DSCAM: variants seen among roughly 807,000 people sequenced by gnomAD.
DSCAM encodes the protein cell adhesion molecule DSCAM.
In DSCAM, 47 loss-of-function variants were observed where a neutral mutation model predicts 217.7. That is an observed-to-expected ratio of 0.22 (90% confidence interval 0.17 to 0.28). The LOEUF (loss-of-function observed/expected upper bound fraction) is 0.28. DSCAM is among the 10% of genes least tolerant of loss of function. The pLI, the probability that DSCAM is intolerant of heterozygous loss-of-function variation, is 1.00. For synonymous variants in DSCAM, 1,056 were observed against 1,015.3 expected (o/e 1.04, Z -0.76); for missense variants, 2,080 against 2,618.3 (o/e 0.79, Z 4.49).
At chr21:40,526,720 G>A (rs1041814164) in intron 3 of DSCAM, among the ~76,000 whole-genome samples, 3 of 152,006 alleles carry the variant, frequency 2.0e-5, no homozygotes, top group African/African-American at 7.3e-5. Context: ...TAGCTTGATT[G>A]TGGCACTCAG....
At position 40,011,623 on chromosome 21, in the gene DSCAM, C is replaced by A. The variant is rs2088057271; in HGVS notation, c.*1411G>T. 1 of 152,136 alleles carries A rather than the reference C, an allele frequency of 6.6e-6. No individual in the cohort carries two copies. Among genetic ancestry groups the A allele is most frequent in the African/African-American group, 2.4e-5 (1 of 41,428 alleles). 9.4% of individuals were successfully genotyped at this position (152,136 alleles called of 1,614,324 possible). A position where few individuals can be genotyped will look rare whatever the true frequency, so the allele number is the denominator to read the frequency against. ...ATTACATCCTCTTTCATAAAGCAAA[C>A]CCTGTGAGGGTTGTGGGATAAAGAA... On this transcript the variant is annotated 3_prime_UTR_variant, in exon 33 of 33. Transcript: ENST00000400454.
At chr21:40,638,542 A>T (rs1317107425) in intron 3 of DSCAM, among the ~76,000 whole-genome samples, 1 of 152,184 alleles carries the variant, frequency 6.6e-6, no homozygotes, top group African/African-American at 2.4e-5. Context: ...TATAAGATAG[A>T]CAGTCACAAT....
chr21:40,709,004 T>C lies in DSCAM; in HGVS notation c.44-233A>G, dbSNP rs140210233. 4.9e-3 allele frequency among the ~76,000 whole-genome samples: 740 copies of C among 152,356 alleles called. 4 individuals carry two copies. The highest frequency in any genetic ancestry group is 0.017 in the African/African-American group (719 of 41,590). ...ACACAAACTGTTAAGTTATCCTGGA[T>C]GTTAATTTTTAATAGATTGTTTTTT... is the stretch of plus-strand genomic sequence containing the variant. On this transcript the variant is annotated intron_variant, in intron 1 of 32. Coordinates refer to ENST00000400454, the MANE Select transcript of DSCAM (RefSeq NM_001389.5).
At chr21:40,694,855 T>C (rs1411968829) in intron 2 of DSCAM, among the ~76,000 whole-genome samples, 1 of 151,482 alleles carries the variant, frequency 6.6e-6, no homozygotes, top group Admixed American at 6.6e-5. Flanking sequence ...GGTAATAGAT[T>C]AGAAAAAGAC....
intron 3 of DSCAM, chr21:40,629,789 C>T (rs946339151): frequency 1.3e-5 from 2 of 152,058 alleles, no homozygotes; most frequent in East Asian, 3.9e-4. Context: ...GAGTATAAAA[C>T]TTCCATGAGA....
intron 11 of DSCAM, among the ~76,000 whole-genome samples, chr21:40,265,054 G>A (rs1158276540): frequency 2.8e-5 from 4 of 140,528 alleles, no homozygotes; most frequent in Non-Finnish European, 5.9e-5. Flanking sequence ...TTAGCCAGGT[G>A]TAGTGACAGG....
intron 1 of DSCAM, among the ~76,000 whole-genome samples, chr21:40,811,285 A>AC (rs1322992902): frequency 2.0e-5 from 3 of 152,104 alleles, no homozygotes; most frequent in Non-Finnish European, 2.9e-5. Context: ...ATTAGCCAGA[A>AC]CCCCCAAATT....
chr21:40,288,938 T>C (rs60342172), intron 10 of DSCAM, among the ~76,000 whole-genome samples: 4,432 of 152,318 alleles, frequency 0.029, 104 homozygotes, highest in East Asian at 0.08. Flanking sequence ...TTTGAACTTA[T>C]AGCCCAGTCT....
intron 32 of DSCAM, among the ~76,000 whole-genome samples, chr21:40,026,413 T>G (rs2088384520): frequency 7.1e-6 from 1 of 140,232 alleles, no homozygotes; most frequent in African/African-American, 2.7e-5. Flanking sequence ...CTGAGTTCAA[T>G]TCCTGGGTAT....
At position 40,293,670 on chromosome 21, in the gene DSCAM, A is replaced by G. The variant is rs553069540; in HGVS notation, c.2182+2385T>C. Among the ~76,000 whole-genome samples the G allele has an allele frequency of 3.9e-5, 6 of 152,270 alleles. No individual in the cohort carries two copies. In the South Asian group the frequency reaches 1.0e-3, roughly 26 times the overall value. On this transcript the variant is annotated intron_variant, in intron 10 of 32. Coordinates refer to ENST00000400454, the MANE Select transcript of DSCAM (RefSeq NM_001389.5). ...CCTCATCTCTACTAAAAATACAAAA[A>G]AATTAGCCAGGCTTGGTGGTGTACA... is the stretch of plus-strand genomic sequence containing the variant.
intron 3 of DSCAM, among the ~76,000 whole-genome samples, chr21:40,515,650 C>T (rs989347443): frequency 6.6e-5 from 10 of 152,168 alleles, no homozygotes; most frequent in Non-Finnish European, 1.5e-4. Context: ...GCAGTCTTTT[C>T]TGACTCCTCA....
chr21:40,156,288 A>AGAGAGC (rs2090476408), intron 16 of DSCAM, among the ~76,000 whole-genome samples: 1 of 7,832 alleles, frequency 1.3e-4, no homozygotes, highest in Non-Finnish European at 2.2e-4. Flanking sequence ...AAACTAAGAC[A>AGAGAGC]GAGAGAGAGA....
At chr21:40,045,756 T>C (rs2088832655) in intron 30 of DSCAM, among the ~76,000 whole-genome samples, 1 of 152,248 alleles carries the variant, frequency 6.6e-6, no homozygotes, top group African/African-American at 2.4e-5. Flanking sequence ...GCAGACTGTA[T>C]TCACTGTTGG....
intron 3 of DSCAM, among the ~76,000 whole-genome samples, chr21:40,396,024 G>C (rs968402859): frequency 6.6e-6 from 1 of 152,136 alleles, no homozygotes; most frequent in Non-Finnish European, 1.5e-5. Flanking sequence ...TGTGCCTACG[G>C]AAGCGGGTCC....
chr21:40,068,289 G>A (rs933021115), intron 27 of DSCAM, among the ~76,000 whole-genome samples: 16 of 152,148 alleles, frequency 1.1e-4, no homozygotes, highest in African/African-American at 3.4e-4. Flanking sequence ...GGTGGCGAGT[G>A]GAAGGGGACT....
intron 3 of DSCAM, among the ~76,000 whole-genome samples, chr21:40,430,618 C>T (rs564252941): frequency 1.3e-5 from 2 of 152,260 alleles, no homozygotes; most frequent in South Asian, 2.1e-4. Flanking sequence ...ATAAACTCCC[C>T]TATATATATA....
At chr21:40,133,621 AAAAAAG>A (rs2090176577) in intron 19 of DSCAM, among the ~76,000 whole-genome samples, 1 of 152,314 alleles carries the variant, frequency 6.6e-6, no homozygotes, top group East Asian at 1.9e-4. Context: ...AAAAAACAAA[AAAAAAG>A]AAAAGAAAGA....
chr21:40,395,337 A>AT (rs569318254), intron 3 of DSCAM, among the ~76,000 whole-genome samples: 91 of 145,324 alleles, frequency 6.3e-4, no homozygotes, highest in African/African-American at 1.4e-3. Flanking sequence ...TTCCTTCTGT[A>AT]TTTTTTTTTT....
At chr21:40,266,732 G>GTA (rs200579724) in intron 11 of DSCAM, among the ~76,000 whole-genome samples, 54 of 123,244 alleles carry the variant, frequency 4.4e-4, no homozygotes, top group East Asian at 1.3e-3. Context: ...TATCTTGTGT[G>GTA]TATATATATA....
Sources: allele counts gnomAD v4.1 joint callset (sites outside exome capture counted in the v4.1 genomes callset), GRCh38; gene constraint gnomAD v4.1.1; transcripts MANE v1.5; gene names NCBI Gene and HGNC (gene_info 2026-07-23, HGNC 2026-07-21).